CSPG5: variants seen among roughly 807,000 people sequenced by gnomAD.
CSPG5 encodes the protein chondroitin sulfate proteoglycan 5.
CSPG5 carries 25 observed loss-of-function variants against 39.8 expected under a neutral mutation model. The ratio of observed to expected loss-of-function variants is 0.63; its 90% CI spans 0.46 to 0.88. The LOEUF (loss-of-function observed/expected upper bound fraction) is 0.88, where lower values mean the gene tolerates loss of function less well. Among genes scored for constraint, CSPG5 ranks in the 40% least tolerant of loss-of-function variants. The pLI, the probability that CSPG5 is intolerant of heterozygous loss-of-function variation, is 0.00. For synonymous variants in CSPG5, 295 were observed against 303.9 expected, an observed-to-expected ratio of 0.97 and a Z score of 0.31; for missense variants, 627 against 702.2, an observed-to-expected ratio of 0.89 and a Z score of 1.21.
intron 4 of CSPG5, among the ~76,000 whole-genome samples, chr3:47,568,136 A>G (rs1414145038): frequency 6.6e-6 from 1 of 152,260 alleles, no homozygotes; most frequent in Non-Finnish European, 1.5e-5. Flanking sequence ...AACTTCTTCT[A>G]AATTTCCTCT....
At chr3:47,563,833 T>G (rs2031187503) in intron 4 of CSPG5, among the ~76,000 whole-genome samples, 1 of 152,100 alleles carries the variant, frequency 6.6e-6, no homozygotes, top group African/African-American at 2.4e-5. Flanking sequence ...GGATTACAGG[T>G]GTGAGCCACC....
chr3:47,563,386 C>A lies in CSPG5; in HGVS notation c.1459-625G>T, dbSNP rs2031168113. On this transcript the variant is annotated intron_variant, in intron 4 of 4. Coordinates refer to ENST00000264723, the MANE Select transcript of CSPG5 (RefSeq NM_006574.4). ...TGTCCTCAATCCAAGCCCGAATGAC[C>A]CTGGCTGCCTCAATGGCTTGCCACA... is the stretch of plus-strand genomic sequence containing the variant. Among the ~76,000 whole-genome samples, 3 of 152,152 alleles carry A rather than the reference C, an allele frequency of 2.0e-5. No homozygotes were observed. The South Asian group carries it at 6.2e-4, about 32-fold the overall frequency.
intron 2 of CSPG5, among the ~76,000 whole-genome samples, chr3:47,574,081 T>C (rs1481115516): frequency 6.6e-6 from 1 of 152,152 alleles, no homozygotes; most frequent in Non-Finnish European, 1.5e-5. Flanking sequence ...GGGAGGAATC[T>C]GGTAGGGAGG....
Position 47,577,071 on chromosome 3 carries a change from G to A in CSPG5, c.955C>T (p.Arg319Trp), listed in dbSNP as rs1268430299. The change falls in exon 2 of 5, where the codon CGG (arginine) becomes TGG (tryptophan). Residue 319 changes from arginine (R) to tryptophan (W), a missense_variant. Transcript: ENST00000264723. The surrounding 1 kb of genome is among the most constrained non-coding windows in gnomAD (Gnocchi z 4.7). The part of the protein sequence containing the change: ...LGPGTGQPTS[R>W]WHAVPPQHTL... ...TGCTGTGGAGGGACAGCATGCCACC[G>A]ACTGGTGGGCTGGCCTGTCCCGGGC... is the stretch of plus-strand genomic sequence containing the variant. 9.3e-6 allele frequency: 15 copies of A among 1,613,490 alleles called. No homozygotes were observed. The highest frequency in any genetic ancestry group is 2.2e-5 in the East Asian group (1 of 44,898).
At position 47,578,819 on chromosome 3, in the gene CSPG5, A is replaced by T. The variant is rs2031888535; in HGVS notation, c.-126T>A. On this transcript the variant is annotated 5_prime_UTR_variant, in exon 1 of 5. The change abolishes an upstream ATG in the 5' untranslated region. Transcript: ENST00000264723. This position sits in a 1 kb window ranked among gnomAD's most constrained non-coding sequence, Gnocchi z 6.0. ...CACGATGGGCAGCGCGAGGAGCCGC[A>T]TGCCGCCGCCGCCGCCGTCCGCCGC... 1 of 154,778 alleles carries T rather than the reference A, an allele frequency of 6.5e-6. No individual in the cohort carries two copies. Among genetic ancestry groups the T allele is most frequent in the African/African-American group, 2.5e-5 (1 of 40,694 alleles). The allele number at this position is 154,778 out of a possible 1,614,324, so 9.6% of individuals were successfully genotyped here.
In CSPG5 at chr3:47,572,566, T is replaced by A; in HGVS notation, c.1382+120A>T. ...TTAGCACAGACAAAACAGCTGGGAATGGAGCACAGGTGCCAGAAACCCTCA... is the reference window on the plus strand; with the variant it reads ...TTAGCACAGACAAAACAGCTGGGAAAGGAGCACAGGTGCCAGAAACCCTCA... On this transcript the variant is annotated intron_variant, in intron 3 of 4. Transcript: ENST00000264723. The surrounding 1 kb of genome is among the most constrained non-coding windows in gnomAD (Gnocchi z 4.5). 1.2e-6 allele frequency: 1 copy of A among 821,128 alleles called. No homozygotes were observed. Among genetic ancestry groups the A allele is most frequent in the South Asian group, 1.7e-5 (1 of 60,112 alleles). The allele number at this position is 821,128 out of a possible 1,614,324, so 50.9% of individuals were successfully genotyped here.
intron 4 of CSPG5, among the ~76,000 whole-genome samples, chr3:47,563,127 C>G (rs1485806681): frequency 2.0e-5 from 3 of 152,216 alleles, no homozygotes; most frequent in African/African-American, 7.2e-5. Context: ...CGGCCTTCCT[C>G]TGGCCTTCCA....
chr3:47,569,185 G>A lies in CSPG5; in HGVS notation c.1425C>T (p.Ser475=). Residue 475 remains serine, a synonymous_variant, in exon 4 of 5, where the codon TCC becomes TCT. Transcript: ENST00000264723. ...TPSELHNDNF[S]LSTIAEGSHP... ...GAGAGCCCTCGGCAATGGTGGAGAG[G>A]GAGAAGTTATCATTGTGGAGCTCAG... is the stretch of plus-strand genomic sequence containing the variant. The A allele has an allele frequency of 2.5e-6, 4 of 1,613,212 alleles. No homozygotes were observed. Among genetic ancestry groups the A allele is most frequent in the Non-Finnish European group, 3.4e-6 (4 of 1,179,556 alleles).
intron 4 of CSPG5, among the ~76,000 whole-genome samples, chr3:47,564,558 T>A (rs1445076514): frequency 6.6e-6 from 1 of 152,028 alleles, no homozygotes; most frequent in African/African-American, 2.4e-5. Flanking sequence ...CTTCATAGAG[T>A]ACTGAGGCAG....
Position 47,577,559 on chromosome 3 carries a change from G to A in CSPG5, c.467C>T (p.Thr156Ile). ...ATEASGPPSP[T>I]PGDKLSPASE... ...AGCTGGGCTCAGCTTGTCGCCGGGG[G>A]TGGGGGAGGGTGGCCCGCTGGCCTC... is the stretch of plus-strand genomic sequence containing the variant. The change falls in exon 2 of 5, where the codon ACC (threonine) becomes ATC (isoleucine). Residue 156 changes from threonine (T) to isoleucine (I), a missense_variant. Physicochemically the swap from Thr to Ile is moderately conservative, Grantham distance 89. Coordinates refer to ENST00000264723, the MANE Select transcript of CSPG5 (RefSeq NM_006574.4). This position sits in a 1 kb window ranked among gnomAD's most constrained non-coding sequence, Gnocchi z 4.7. The A allele has an allele frequency of 1.9e-6, 3 of 1,610,328 alleles. No homozygotes were observed. The highest frequency in any genetic ancestry group is 1.3e-5 in the African/African-American group (1 of 74,992).
At chr3:47,576,330 G>A (rs1334854546) in intron 2 of CSPG5, among the ~76,000 whole-genome samples, 1 of 152,154 alleles carries the variant, frequency 6.6e-6, no homozygotes, top group African/African-American at 2.4e-5. Flanking sequence ...CTAGTGATAA[G>A]GTCACAGGAA....
chr3:47,577,378 C>T lies in CSPG5; in HGVS notation c.648G>A (p.Leu216=), dbSNP rs1484662194. ...DIIDIDYFEG[L]DGEGRGADLG... ...GATCTGCGCCACGACCCTCACCATC[C>T]AGTCCTTCGAAGTAGTCGATGTCAA... Residue 216 remains leucine (L), a synonymous_variant, in exon 2 of 5, where the codon CTG becomes CTA. Coordinates refer to ENST00000264723, the MANE Select transcript of CSPG5 (RefSeq NM_006574.4). This position sits in a 1 kb window ranked among gnomAD's most constrained non-coding sequence, Gnocchi z 4.7. 1.2e-6 allele frequency: 2 copies of T among 1,614,226 alleles called. No homozygotes were observed. The highest frequency in any genetic ancestry group is 1.7e-6 in the Non-Finnish European group (2 of 1,180,036).
intron 3 of CSPG5, among the ~76,000 whole-genome samples, chr3:47,571,931 C>T (rs953468260): frequency 6.6e-6 from 1 of 152,142 alleles, no homozygotes; most frequent in African/African-American, 2.4e-5. Context: ...AGGTCACATC[C>T]GAGTGTTCAA....
At chr3:47,563,510 C>A (rs765546607) in intron 4 of CSPG5, among the ~76,000 whole-genome samples, 1 of 152,134 alleles carries the variant, frequency 6.6e-6, no homozygotes, top group Non-Finnish European at 1.5e-5. Flanking sequence ...AACTCCTGAA[C>A]CTGAGCTGAA....
intron 4 of CSPG5, 101 bp from the exon 5 acceptor site, chr3:47,562,862 A>G (rs2031141477): frequency 1.1e-5 from 14 of 1,266,300 alleles, no homozygotes; most frequent in African/African-American, 3.0e-5. Flanking sequence ...TCACTGAAAC[A>G]AGGAAAAAGC....
At chr3:47,567,623 A>C (rs573618203) in intron 4 of CSPG5, among the ~76,000 whole-genome samples, 2 of 152,298 alleles carry the variant, frequency 1.3e-5, no homozygotes, top group African/African-American at 4.8e-5. Flanking sequence ...CTCCTCTACC[A>C]GGCCAAAATT....
chr3:47,578,238 G>A lies in CSPG5; in HGVS notation c.98-310C>T. The A allele has an allele frequency of 6.3e-6, 2 of 318,966 alleles. No individual in the cohort carries two copies. Among genetic ancestry groups the A allele is most frequent in the East Asian group, 1.0e-4 (2 of 19,120 alleles). The allele number at this position is 318,966 out of a possible 1,614,324, so 19.8% of individuals were successfully genotyped here. ...GGCCCACCCATAAGTCTCACCCTCG[G>A]GAACCCACCCTGAGCCGCGTCCACT... On this transcript the variant is annotated intron_variant, in intron 1 of 4. Transcript: ENST00000264723. The surrounding 1 kb of genome is among the most constrained non-coding windows in gnomAD (Gnocchi z 6.0).
At position 47,578,635 on chromosome 3, in the gene CSPG5, A is replaced by C. The variant is rs963398294; in HGVS notation, c.59T>G (p.Leu20Arg). Residue 20 changes from leucine to arginine, a missense_variant, in exon 1 of 5, where the codon CTG (leucine) becomes CGG (arginine). Transcript: ENST00000264723. This position sits in a 1 kb window ranked among gnomAD's most constrained non-coding sequence, Gnocchi z 6.0. ...GRGPPPLLLF[L>R]GAALVLASGA... ...AGAGGCCAGGACCAGCGCGGCCCCC[A>C]GAAACAGCAGCAGTGGCGGCGGCCC... is the stretch of plus-strand genomic sequence containing the variant. The C allele has an allele frequency of 2.6e-6, 3 of 1,161,940 alleles. No homozygotes were observed. Among genetic ancestry groups the C allele is most frequent in the African/African-American group, 1.6e-5 (1 of 60,788 alleles). The allele number at this position is 1,161,940 out of a possible 1,614,324, so 72.0% of individuals were successfully genotyped here. A position where few individuals can be genotyped will look rare whatever the true frequency, so the allele number is the denominator to read the frequency against.
intron 4 of CSPG5, among the ~76,000 whole-genome samples, chr3:47,564,476 G>C (rs956580308): frequency 2.0e-5 from 3 of 152,142 alleles, no homozygotes; most frequent in African/African-American, 7.2e-5. Flanking sequence ...GAGTTTCAAA[G>C]ACTTCACACA....
Sources: gnomAD v4.1 joint callset for allele counts (sites outside exome capture counted in the v4.1 genomes callset) on GRCh38, gnomAD v4.1.1 for gene constraint, Gnocchi (gnomAD v3.1) non-coding constraint, MANE v1.5 for transcripts, NCBI Gene and HGNC (gene_info 2026-07-23, HGNC 2026-07-21) for gene names.